TMEM237: variants seen among roughly 807,000 people sequenced by gnomAD.
The protein encoded by TMEM237 is transmembrane protein 237, also known as amyotrophic lateral sclerosis 2 (juvenile) chromosome region, candidate 4.
In TMEM237, 51 loss-of-function variants were observed where a neutral mutation model predicts 59.1. The ratio of observed to expected loss-of-function variants is 0.86; its 90% CI spans 0.69 to 1.09. The LOEUF is 1.09. Ranked by LOEUF, TMEM237 falls within the 50% of genes least tolerant of loss-of-function variation. The pLI is 0.00. For missense variants in TMEM237, 475 were observed against 478.3 expected (o/e 0.99, Z 0.06); for synonymous variants, 140 against 166.1 (o/e 0.84, Z 1.21).
chr2:201,624,385 A>G, intron 12 of TMEM237, 63 bp from the exon 13 acceptor site: 1 of 1,262,848 alleles, frequency 7.9e-7, no homozygotes, highest in Non-Finnish European at 1.1e-6. Context: ...ACAGAGTTGT[A>G]TAGCTTATTT....
rs1173555692 is a variant in TMEM237 at position 201,621,238 on chromosome 2, A to T, written c.*3017T>A. On this transcript the variant is annotated 3_prime_UTR_variant, in exon 13 of 13. Coordinates refer to ENST00000409883, the MANE Select transcript of TMEM237 (RefSeq NM_001044385.3). ...TTAGGAAAAAGTCAGACAATTAAAA[A>T]ATGTAGGTGAGGCACTCTAAAGCAA... is the stretch of plus-strand genomic sequence containing the variant. 6.6e-6 allele frequency: 1 copy of T among 152,228 alleles called. No individual in the cohort carries two copies. The highest frequency in any genetic ancestry group is 2.4e-5 in the African/African-American group (1 of 41,470). The allele number at this position is 152,228 out of a possible 1,614,324, so 9.4% of individuals were successfully genotyped here. A position where few individuals can be genotyped will look rare whatever the true frequency, so the allele number is the denominator to read the frequency against.
chr2:201,623,213 A>G lies in TMEM237; in HGVS notation c.*1042T>C. On this transcript the variant is annotated 3_prime_UTR_variant, in exon 13 of 13. Coordinates refer to ENST00000409883, the MANE Select transcript of TMEM237 (RefSeq NM_001044385.3). ...CATTCAGGTGCTTGCTAATCAGGGC[A>G]GGCTCAATAGTTTTATTGATGTGCT... The G allele has an allele frequency of 2.3e-6, 1 of 436,678 alleles. No individual in the cohort carries two copies. The highest frequency in any genetic ancestry group is 4.6e-6 in the Non-Finnish European group (1 of 216,496). The allele number at this position is 436,678 out of a possible 1,614,324, so 27.1% of individuals were successfully genotyped here.
At chr2:201,637,313 T>C (rs1379973121) in intron 4 of TMEM237, among the ~76,000 whole-genome samples, 2 of 152,226 alleles carry the variant, frequency 1.3e-5, no homozygotes, top group South Asian at 2.1e-4. Flanking sequence ...TCATCATGGA[T>C]AATTGGAGTT....
At position 201,632,177 on chromosome 2, in the gene TMEM237, T is replaced by C. The variant is rs1405287041; in HGVS notation, c.427A>G (p.Asn143Asp). The C allele has an allele frequency of 1.9e-6, 3 of 1,613,880 alleles. No homozygotes were observed. The highest frequency in any genetic ancestry group is 2.5e-6 in the Non-Finnish European group (3 of 1,179,804). ...TCTTCATCTTCTACTCCTAGCTCAT[T>C]GGCATACTGTAATTCTGCTGGCTGG... ...KTQPAELQYA[N>D]ELGVEDEDII... The change falls in exon 7 of 13, where the codon AAT (asparagine) becomes GAT (aspartate). Residue 143 changes from asparagine (N) to aspartate (D), a missense_variant. Physicochemically the swap from Asn to Asp is conservative, Grantham distance 23. Transcript: ENST00000409883.
chr2:201,627,485 A>T, intron 10 of TMEM237, 71 bp from the exon 11 acceptor site: 4 of 985,158 alleles, frequency 4.1e-6, no homozygotes, highest in Non-Finnish European at 6.1e-6. Flanking sequence ...ATAGATTAAT[A>T]TCGAAAATAA....
intron 7 of TMEM237, among the ~76,000 whole-genome samples, chr2:201,630,428 C>T (rs953405142): frequency 6.6e-6 from 1 of 152,176 alleles, no homozygotes; most frequent in South Asian, 2.1e-4. Flanking sequence ...GGGCTTTAGC[C>T]TTTTTACTGT....
intron 1 of TMEM237, chr2:201,642,770 G>A: frequency 7.0e-7 from 1 of 1,437,562 alleles, no homozygotes; most frequent in Non-Finnish European, 9.1e-7. Flanking sequence ...CTGCGGGGAT[G>A]TTGCGGTGAG....
chr2:201,642,856 G>C (rs1687458307), intron 1 of TMEM237: 2 of 1,338,294 alleles, frequency 1.5e-6, no homozygotes, highest in African/African-American at 3.1e-5. Flanking sequence ...GGGGTAATGT[G>C]CCCAGGAGCA....
At position 201,629,391 on chromosome 2, in the gene TMEM237, C is replaced by A; in HGVS notation, c.708G>T (p.Leu236Phe). 6.3e-7 allele frequency: 1 copy of A among 1,582,552 alleles called. No homozygotes were observed. The highest frequency in any genetic ancestry group is 1.2e-5 in the South Asian group (1 of 84,222). ...CAATATTCCACACAGCACAGCCAGC[C>A]AAGAATCCATGAGAAAAGAGACCAA... ...RMIGLFSHGF[L>F]AGCAVWNIVV... The change falls in exon 9 of 13, where the codon TTG becomes TTT. Residue 236 changes from leucine (L) to phenylalanine (F), a missense_variant. Transcript: ENST00000409883.
chr2:201,641,542 G>T (rs1054619359), intron 1 of TMEM237, among the ~76,000 whole-genome samples: 1 of 151,876 alleles, frequency 6.6e-6, no homozygotes, highest in East Asian at 1.9e-4. Context: ...GAACACAATG[G>T]AGAGAACTCT....
chr2:201,637,509 C>G (rs1008603159), intron 4 of TMEM237, among the ~76,000 whole-genome samples: 2 of 152,088 alleles, frequency 1.3e-5, no homozygotes, highest in Non-Finnish European at 2.9e-5. Context: ...TTTGGGAGGC[C>G]AAAGCAGGCG....
chr2:201,629,811 T>G lies in TMEM237; in HGVS notation c.595A>C (p.Thr199Pro). The change falls in exon 8 of 13, where the codon ACA becomes CCA. Residue 199 changes from threonine (T) to proline (P), a missense_variant. By Grantham distance (38) the Thr-to-Pro change is conservative. Transcript: ENST00000409883. ...AADRSELIKT[T>P]ENIDVSMDVK... ...TCCATTGACACATCTATGTTTTCTG[T>G]GGTCTTTATCAACTCTGAACGATCA... 6.2e-7 allele frequency: 1 copy of G among 1,613,574 alleles called. No individual in the cohort carries two copies. Among genetic ancestry groups the G allele is most frequent in the Non-Finnish European group, 8.5e-7 (1 of 1,179,806 alleles).
chr2:201,640,988 A>G, intron 1 of TMEM237, 64 bp from the exon 2 acceptor site: 3 of 1,448,110 alleles, frequency 2.1e-6, no homozygotes, highest in Non-Finnish European at 9.4e-7. Context: ...TTCAAATACC[A>G]TCACGCTATT....
At chr2:201,638,786 T>C (rs1219417475) in intron 4 of TMEM237, 3 of 598,952 alleles carry the variant, frequency 5.0e-6, no homozygotes, top group Non-Finnish European at 8.9e-6. Flanking sequence ...CATGAATGCG[T>C]CCAGATACTC....
chr2:201,625,642 C>T (rs1957752158), intron 12 of TMEM237, among the ~76,000 whole-genome samples: 1 of 152,164 alleles, frequency 6.6e-6, no homozygotes, highest in Non-Finnish European at 1.5e-5. Context: ...GAATAATTGA[C>T]TTGAGTATGT....
chr2:201,629,211 C>G lies in TMEM237; in HGVS notation c.869+19G>C, dbSNP rs1315761921. 13 of 1,514,396 alleles carry G rather than the reference C, an allele frequency of 8.6e-6. No individual in the cohort carries two copies. Among genetic ancestry groups the G allele is most frequent in the Non-Finnish European group, 1.1e-5 (13 of 1,137,186 alleles). 93.8% of individuals were successfully genotyped at this position (1,514,396 alleles called of 1,614,324 possible). ...TTCCTCCTGAAGAAGTTAGACAGAT[C>G]TGGAGTCATAGGCATTACCTGTCAA... On this transcript the variant is annotated intron_variant, in intron 9 of 12. Coordinates refer to ENST00000409883, the MANE Select transcript of TMEM237 (RefSeq NM_001044385.3).
At chr2:201,630,978 T>C (rs1318676546) in intron 7 of TMEM237, 2 of 152,188 alleles carry the variant, frequency 1.3e-5, no homozygotes, top group Non-Finnish European at 2.9e-5. Flanking sequence ...ATGAGTTCTT[T>C]AGGCAGCATA....
Position 201,643,348 on chromosome 2 carries a change from T to C in TMEM237, c.42+11A>G, listed in dbSNP as rs1687472663. On this transcript the variant is annotated intron_variant, in intron 1 of 12. Transcript: ENST00000409883. The surrounding 1 kb of genome is among the most constrained non-coding windows in gnomAD (Gnocchi z 4.3). ...CCACCTCTCGAGGCCGACGCGCCCCTCGCCGCTCACCAGGTGGCCCTCCTC... is the reference window on the plus strand; with the variant it reads ...CCACCTCTCGAGGCCGACGCGCCCCCCGCCGCTCACCAGGTGGCCCTCCTC... 1 of 1,510,544 alleles carries C rather than the reference T, an allele frequency of 6.6e-7. No homozygotes were observed. The highest frequency in any genetic ancestry group is 8.9e-7 in the Non-Finnish European group (1 of 1,128,146). The allele number at this position is 1,510,544 out of a possible 1,614,324, so 93.6% of individuals were successfully genotyped here.
intron 1 of TMEM237, among the ~76,000 whole-genome samples, chr2:201,641,730 T>TACACACACACAC (rs10673016): frequency 2.0e-5 from 3 of 150,710 alleles, no homozygotes; most frequent in African/African-American, 7.3e-5. Context: ...ATACACAAGA[T>TACACACACACAC]ACACACACAC....
Sources: gnomAD v4.1 joint callset for allele counts (sites outside exome capture counted in the v4.1 genomes callset) on GRCh38, gnomAD v4.1.1 for gene constraint, Gnocchi (gnomAD v3.1) non-coding constraint, MANE v1.5 for transcripts, NCBI Gene and HGNC (gene_info 2026-07-23, HGNC 2026-07-21) for gene names.